The following PLCXD3 variants were observed in gnomAD, a reference collection of about 807,000 sequenced individuals.
The protein encoded by PLCXD3 is PI-PLC X domain-containing protein 3.
Under a neutral mutation model 25.5 loss-of-function variants are expected in PLCXD3, and 19 were observed. That is an observed-to-expected ratio of 0.75 (90% confidence interval 0.52 to 1.09). PLCXD3 has a LOEUF of 1.09. Ranked by LOEUF, PLCXD3 falls within the 50% of genes least tolerant of loss-of-function variation. The probability of loss-of-function intolerance (pLI) is 0.00; values close to 1 mark genes in which losing one functional copy is unlikely to be tolerated. For synonymous variants in PLCXD3, 174 were observed against 137.6 expected (o/e 1.26, Z -1.85); for missense variants, 411 against 388.1 (o/e 1.06, Z -0.50).
At position 41,475,065 on chromosome 5, in the gene PLCXD3, G is replaced by T. The variant is rs566906565; in HGVS notation, c.103+35359C>A. Reference sequence around the variant, plus strand: ...CTTTCCTGTTCACCACCCTCCAAAGGTGCTGTAGGTGGGGCAAAAAATTCC... The same window carrying T: ...CTTTCCTGTTCACCACCCTCCAAAGTTGCTGTAGGTGGGGCAAAAAATTCC... On this transcript the variant is annotated intron_variant, in intron 1 of 2. Coordinates refer to ENST00000377801, the MANE Select transcript of PLCXD3 (RefSeq NM_001005473.3). 5.3e-5 allele frequency among the ~76,000 whole-genome samples: 8 copies of T among 152,272 alleles called. No individual in the cohort carries two copies. In the South Asian group the frequency reaches 1.7e-3, roughly 32 times the overall value.
chr5:41,509,708 G>C (rs1394877788), intron 1 of PLCXD3, among the ~76,000 whole-genome samples: 1 of 152,200 alleles, frequency 6.6e-6, no homozygotes, highest in African/African-American at 2.4e-5. Flanking sequence ...GGTCCGCAAG[G>C]GTTTGCTTTT....
intron 2 of PLCXD3, among the ~76,000 whole-genome samples, chr5:41,360,128 A>G (rs1028924569): frequency 6.6e-6 from 1 of 152,000 alleles, no homozygotes; most frequent in Non-Finnish European, 1.5e-5. Flanking sequence ...GTTTGATTCT[A>G]TTGCTGAGAC....
intron 1 of PLCXD3, among the ~76,000 whole-genome samples, chr5:41,410,259 C>T (rs975384177): frequency 1.3e-5 from 2 of 151,730 alleles, no homozygotes; most frequent in African/African-American, 4.8e-5. Flanking sequence ...CCTGCCTCAG[C>T]CTCCTGAGTA....
intron 1 of PLCXD3, among the ~76,000 whole-genome samples, chr5:41,458,279 A>C (rs1457924579): frequency 6.6e-6 from 1 of 151,896 alleles, no homozygotes; most frequent in Admixed American, 6.6e-5. Context: ...AGAATATAGA[A>C]GGAATAAAAA....
At chr5:41,396,066 T>G (rs1561259309) in intron 1 of PLCXD3, among the ~76,000 whole-genome samples, 1 of 151,504 alleles carries the variant, frequency 6.6e-6, no homozygotes, top group South Asian at 2.1e-4. Context: ...TGATGAATAT[T>G]GATGCAAAAA....
At chr5:41,393,533 C>T (rs1169637188) in intron 1 of PLCXD3, among the ~76,000 whole-genome samples, 1 of 152,078 alleles carries the variant, frequency 6.6e-6, no homozygotes, top group African/African-American at 2.4e-5. Flanking sequence ...AAATTTAATT[C>T]ACGCCAGACC....
chr5:41,402,171 A>C (rs1434431398), intron 1 of PLCXD3, among the ~76,000 whole-genome samples: 4 of 151,758 alleles, frequency 2.6e-5, no homozygotes, highest in African/African-American at 7.2e-5. Flanking sequence ...TTAAGGCTGA[A>C]ATTTAGATCA....
chr5:41,508,163 G>A (rs913758077), intron 1 of PLCXD3, among the ~76,000 whole-genome samples: 1 of 152,104 alleles, frequency 6.6e-6, no homozygotes, highest in African/African-American at 2.4e-5. Context: ...ACAGGAGCTG[G>A]GAAAACAATA....
intron 2 of PLCXD3, among the ~76,000 whole-genome samples, chr5:41,380,091 A>G (rs1327104905): frequency 6.6e-6 from 1 of 151,802 alleles, no homozygotes; most frequent in African/African-American, 2.4e-5. Context: ...CAACCCCCAA[A>G]TGAGTTGGCC....
intron 1 of PLCXD3, among the ~76,000 whole-genome samples, chr5:41,446,195 AAAAAAAG>A (rs1747497578): frequency 6.7e-6 from 1 of 149,128 alleles, no homozygotes; most frequent in Non-Finnish European, 1.5e-5. Context: ...AAAAAAAAAA[AAAAAAAG>A]AACAACGAGA....
intron 1 of PLCXD3, among the ~76,000 whole-genome samples, chr5:41,411,986 C>T (rs1341428719): frequency 2.9e-5 from 4 of 138,192 alleles, no homozygotes; most frequent in Non-Finnish European, 6.3e-5. Context: ...CCATATATAT[C>T]CATATCTATC....
chr5:41,331,993 G>A (rs1561234945), intron 2 of PLCXD3, among the ~76,000 whole-genome samples: 1 of 152,152 alleles, frequency 6.6e-6, no homozygotes, highest in Admixed American at 6.6e-5. Context: ...AAAAACCCTA[G>A]AAGAAAACCT....
chr5:41,372,213 G>A (rs1357024456), intron 2 of PLCXD3, among the ~76,000 whole-genome samples: 1 of 151,686 alleles, frequency 6.6e-6, no homozygotes, highest in African/African-American at 2.4e-5. Context: ...GATCCAGAGA[G>A]GTTTACTAGA....
chr5:41,314,614 C>T (rs1243263269), intron 2 of PLCXD3, among the ~76,000 whole-genome samples: 1 of 152,086 alleles, frequency 6.6e-6, no homozygotes, highest in African/African-American at 2.4e-5. Flanking sequence ...TTGAAGGAGA[C>T]AAGGGAGTTA....
At chr5:41,369,392 AG>A (rs1420676444) in intron 2 of PLCXD3, among the ~76,000 whole-genome samples, 1 of 152,192 alleles carries the variant, frequency 6.6e-6, no homozygotes, top group Non-Finnish European at 1.5e-5. Context: ...TTTGAAAAAC[AG>A]GCAACCTGAA....
At chr5:41,457,212 G>A (rs1747772703) in intron 1 of PLCXD3, among the ~76,000 whole-genome samples, 1 of 151,892 alleles carries the variant, frequency 6.6e-6, no homozygotes, top group Non-Finnish European at 1.5e-5. Context: ...GTCCACACTT[G>A]GCCTCATATC....
intron 2 of PLCXD3, among the ~76,000 whole-genome samples, chr5:41,347,140 TG>T (rs1744321853): frequency 6.6e-6 from 1 of 152,248 alleles, no homozygotes; most frequent in South Asian, 2.1e-4. Context: ...TAAGAGTTTC[TG>T]TTGCTCCATA....
chr5:41,361,981 T>C (rs1293051929), intron 2 of PLCXD3, among the ~76,000 whole-genome samples: 1 of 152,200 alleles, frequency 6.6e-6, no homozygotes. Flanking sequence ...ACTTTCATGT[T>C]AGCCTGTCAG....
At chr5:41,413,770 A>G (rs1469791334) in intron 1 of PLCXD3, among the ~76,000 whole-genome samples, 1 of 152,218 alleles carries the variant, frequency 6.6e-6, no homozygotes, top group Non-Finnish European at 1.5e-5. Context: ...GATTCTCAGT[A>G]CAATAAAAAT....
Sources: allele counts gnomAD v4.1 joint callset (sites outside exome capture counted in the v4.1 genomes callset), GRCh38; gene constraint gnomAD v4.1.1; transcripts MANE v1.5; gene names NCBI Gene and HGNC (gene_info 2026-07-23, HGNC 2026-07-21).